JAK1: variants seen among roughly 807,000 people sequenced by gnomAD.
JAK1 encodes the protein Janus kinase 1.
In JAK1, 16 loss-of-function variants were observed where a neutral mutation model predicts 136.6. That is an observed-to-expected ratio of 0.12 (90% CI 0.08 to 0.18). The LOEUF is 0.18. Ranked by LOEUF, JAK1 falls within the 10% of genes least tolerant of loss-of-function variation. The pLI, the probability that JAK1 is intolerant of heterozygous loss-of-function variation, is 1.00. For missense variants in JAK1, 859 were observed against 1,450.1 expected (o/e 0.59, Z 6.62); for synonymous variants, 492 against 519.5 (o/e 0.95, Z 0.72).
intron 2 of JAK1, chr1:64,993,672 G>T (rs562720190): frequency 6.6e-6 from 1 of 151,612 alleles, no homozygotes; most frequent in South Asian, 2.1e-4. Flanking sequence ...TTTGAGAGAA[G>T]TCTGGCTCTG....
At chr1:64,996,279 A>G (rs1646703169) in intron 2 of JAK1, among the ~76,000 whole-genome samples, 2 of 152,144 alleles carry the variant, frequency 1.3e-5, no homozygotes, top group Admixed American at 1.3e-4. Flanking sequence ...AGGCTCCTTT[A>G]AAGCAGACTC....
In JAK1 at chr1:65,050,496, A is replaced by C. The variant is rs1647254041; in HGVS notation, c.-180-5914T>G. Among the ~76,000 whole-genome samples the C allele has an allele frequency of 2.0e-5, 3 of 152,334 alleles. No homozygotes were observed. In the Middle Eastern group the frequency reaches 0.01, roughly 518 times the overall value. ...CAGAAAGGACTTGATTCCCTGACAA[A>C]GGCCAGGCCAGTCAACTGGGTACAA... On this transcript the variant is annotated intron_variant, in intron 1 of 25. Transcript: ENST00000671954.
chr1:65,063,451 G>A (rs1055094940), intron 1 of JAK1, among the ~76,000 whole-genome samples: 2 of 152,192 alleles, frequency 1.3e-5, no homozygotes, highest in Admixed American at 1.3e-4. Context: ...GAACACAGCA[G>A]TGGAAAATAG....
chr1:64,962,310 A>T (rs1646296044), intron 1 of JAK1, among the ~76,000 whole-genome samples: 1 of 152,256 alleles, frequency 6.6e-6, no homozygotes, highest in Non-Finnish European at 1.5e-5. Context: ...ACTGCAGATT[A>T]AAAATATCCC....
intron 19 of JAK1, among the ~76,000 whole-genome samples, chr1:64,840,772 C>T (rs1654843746): frequency 6.6e-6 from 1 of 151,830 alleles, no homozygotes; most frequent in East Asian, 1.9e-4. Context: ...GTTGAGGCTG[C>T]AGTGAGCTAT....
At chr1:64,969,318 G>A (rs747643686), upstream of JAK1, among the ~76,000 whole-genome samples, 2 of 151,854 alleles carry the variant, frequency 1.3e-5, no homozygotes, top group Non-Finnish European at 2.9e-5. Context: ...TAGTGGGGGT[G>A]TCCTGTGCAT....
intron 13 of JAK1, chr1:64,847,048 T>C (rs1655281080): frequency 2.1e-6 from 1 of 481,590 alleles, no homozygotes; most frequent in South Asian, 3.1e-5. Context: ...CTTTCAGCTC[T>C]GGGAAATACC....
intron 14 of JAK1, 126 bp from the exon 15 acceptor site, chr1:64,845,766 G>A (rs1655192748): frequency 8.9e-7 from 1 of 1,129,100 alleles, no homozygotes; most frequent in Middle Eastern, 2.8e-4. Flanking sequence ...TCCTTGGGGG[G>A]TGCAATGGTG....
At chr1:64,880,011 A>G (rs576890832) in intron 3 of JAK1, among the ~76,000 whole-genome samples, 18 of 152,348 alleles carry the variant, frequency 1.2e-4, no homozygotes, top group African/African-American at 4.3e-4. Flanking sequence ...GCCTCAAACT[A>G]AGATGAGGTA....
chr1:64,875,094 G>T (rs1453419538), intron 4 of JAK1, among the ~76,000 whole-genome samples: 3 of 152,176 alleles, frequency 2.0e-5, no homozygotes, highest in Non-Finnish European at 4.4e-5. Context: ...CATTTTATGG[G>T]CCCCTAACAA....
chr1:64,878,692 A>G (rs1644721338), intron 4 of JAK1, among the ~76,000 whole-genome samples: 1 of 151,450 alleles, frequency 6.6e-6, no homozygotes, highest in African/African-American at 2.4e-5. Flanking sequence ...TCACTAAATT[A>G]AATTGAATTC....
rs554139994 is a variant in JAK1, at chr1:64,965,517, G to A, written c.-78+816C>T. On this transcript the variant is annotated intron_variant, in intron 1 of 24. Coordinates refer to ENST00000342505, the MANE Select transcript of JAK1 (RefSeq NM_002227.4). ...GAGCCCACATCCCAGGGACCCTGGG[G>A]AGTGACTTTGGAGGAGTGTCTATTA... 4.0e-4 allele frequency among the ~76,000 whole-genome samples: 61 copies of A among 152,312 alleles called. 1 individual carries two copies. The highest frequency in any genetic ancestry group is 2.5e-3 in the South Asian group (12 of 4,830).
At chr1:64,915,070 T>C (rs1645370355) in intron 1 of JAK1, among the ~76,000 whole-genome samples, 1 of 152,160 alleles carries the variant, frequency 6.6e-6, no homozygotes. Context: ...CTCTTCACTA[T>C]AAAATGAGAA....
At position 65,032,998 on chromosome 1, in the gene JAK1, C is replaced by T. The variant is rs1191679912; in HGVS notation, c.-78+11482G>A. Among the ~76,000 whole-genome samples, 3 of 152,230 alleles carry T rather than the reference C, an allele frequency of 2.0e-5. No individual in the cohort carries two copies. The South Asian group carries it at 6.2e-4, about 32-fold the overall frequency. On this transcript the variant is annotated intron_variant, in intron 2 of 25. Coordinates refer to the JAK1 transcript ENST00000671954. ...GGTGGCCAATGAGCTATTAGCGAGA[C>T]TTCCAGAAAAAGTCTTTAAAATTTG...
chr1:64,873,713 A>C (rs1390745189), intron 4 of JAK1, among the ~76,000 whole-genome samples, 190 bp from the exon 5 acceptor site: 5 of 152,116 alleles, frequency 3.3e-5, no homozygotes, highest in African/African-American at 1.2e-4. Flanking sequence ...GTGTCCCATC[A>C]GCACCTCCTC....
chr1:64,952,982 A>G (rs1646118538), intron 1 of JAK1, among the ~76,000 whole-genome samples: 1 of 152,262 alleles, frequency 6.6e-6, no homozygotes, highest in Non-Finnish European at 1.5e-5. Context: ...ATGACTGATC[A>G]TAAGCCAGGA....
At chr1:64,872,069 C>T (rs1363037940) in intron 5 of JAK1, among the ~76,000 whole-genome samples, 2 of 152,218 alleles carry the variant, frequency 1.3e-5, no homozygotes, top group Non-Finnish European at 2.9e-5. Context: ...CTCCTTGCAG[C>T]TCTACTGGCC....
At chr1:64,975,055 A>G (rs1180984639) in intron 2 of JAK1, among the ~76,000 whole-genome samples, 1 of 150,858 alleles carries the variant, frequency 6.6e-6, no homozygotes, top group Non-Finnish European at 1.5e-5. Flanking sequence ...GATTACAAGC[A>G]TGTGCCACCA....
chr1:65,053,331 CA>C (rs1647375837), intron 1 of JAK1, among the ~76,000 whole-genome samples: 1 of 152,014 alleles, frequency 6.6e-6, no homozygotes, highest in Non-Finnish European at 1.5e-5. Context: ...GGCGACAGAG[CA>C]AGACTCCGCC....
Sources: allele counts gnomAD v4.1 joint callset (sites outside exome capture counted in the v4.1 genomes callset), GRCh38; gene constraint gnomAD v4.1.1; transcripts MANE v1.5; gene names NCBI Gene and HGNC (gene_info 2026-07-23, HGNC 2026-07-21).